The following KCNIP4 variants were observed in gnomAD, a reference collection of about 807,000 sequenced individuals.
KCNIP4 encodes the protein Kv channel-interacting protein 4.
Under a neutral mutation model 34.0 loss-of-function variants are expected in KCNIP4, and 12 were observed. The observed-to-expected ratio is 0.35, with a 90% CI of 0.23 to 0.57. The LOEUF (loss-of-function observed/expected upper bound fraction) is 0.57, where lower values mean the gene tolerates loss of function less well. Among genes scored for constraint, KCNIP4 ranks in the 20% least tolerant of loss-of-function variants. The probability of loss-of-function intolerance (pLI) is 0.83; values close to 1 mark genes in which losing one functional copy is unlikely to be tolerated. For missense variants in KCNIP4, 238 were observed against 311.7 expected, an observed-to-expected ratio of 0.76 and a Z score of 1.78; for synonymous variants, 124 against 102.2, an observed-to-expected ratio of 1.21 and a Z score of -1.29.
chr4:20,820,905 T>C (rs185640152), intron 3 of KCNIP4, among the ~76,000 whole-genome samples: 109 of 152,310 alleles, frequency 7.2e-4, no homozygotes, highest in African/African-American at 2.5e-3. Context: ...GCAGTAAATC[T>C]TGGCAGCACC....
At position 20,875,311 on chromosome 4, in the gene KCNIP4, A is replaced by G. The variant is rs77742642; in HGVS notation, c.163+7297T>C. Among the ~76,000 whole-genome samples the G allele has an allele frequency of 8.1e-3, 1,241 of 152,288 alleles. 10 individuals are homozygous for G. The highest frequency in any genetic ancestry group is 0.014 in the Middle Eastern group (4 of 294). ...GTGTTCAATCTCTTCCCCTACTCCC[A>G]TGCCTCTTGCTGATGATGTGATTCA... On this transcript the variant is annotated intron_variant, in intron 2 of 8. Coordinates refer to ENST00000382152, the MANE Select transcript of KCNIP4 (RefSeq NM_025221.6).
chr4:21,570,053 G>A (rs1375471323), intron 1 of KCNIP4, among the ~76,000 whole-genome samples: 1 of 152,060 alleles, frequency 6.6e-6, no homozygotes, highest in Non-Finnish European at 1.5e-5. Flanking sequence ...ATCGTTGTCT[G>A]CCTCAAATGG....
intron 1 of KCNIP4, among the ~76,000 whole-genome samples, chr4:21,606,216 T>C (rs1743650402): frequency 6.6e-6 from 1 of 152,118 alleles, no homozygotes; most frequent in Non-Finnish European, 1.5e-5. Context: ...TAAATAGTGA[T>C]AATTTGATCA....
At chr4:20,793,191 G>T (rs1713002447) in intron 3 of KCNIP4, among the ~76,000 whole-genome samples, 2 of 152,050 alleles carry the variant, frequency 1.3e-5, no homozygotes, top group Admixed American at 1.3e-4. Context: ...CAGGTGAATG[G>T]ATAAACAAAT....
In KCNIP4 at chr4:21,943,056, G is replaced by A. The variant is rs562930203; in HGVS notation, c.61+5515C>T. The stretch of plus-strand genomic sequence containing the variant: ...TTACAAGTGTGAGCCACCATTCCTG[G>A]TCTAAATGTCTACTAGTTTGTGAAG... On this transcript the variant is annotated intron_variant, in intron 1 of 8. Coordinates refer to ENST00000382152, the MANE Select transcript of KCNIP4 (RefSeq NM_025221.6). 1.1e-4 allele frequency among the ~76,000 whole-genome samples: 16 copies of A among 152,240 alleles called. No homozygotes were observed. The South Asian group carries it at 1.9e-3, about 18-fold the overall frequency.
intron 1 of KCNIP4, among the ~76,000 whole-genome samples, chr4:21,020,123 T>C (rs1350906231): frequency 1.3e-5 from 2 of 152,200 alleles, no homozygotes; most frequent in Non-Finnish European, 2.9e-5. Flanking sequence ...TATACAGGTA[T>C]AATACTTATC....
chr4:21,288,440 G>A (rs940217864), intron 1 of KCNIP4, among the ~76,000 whole-genome samples: 4 of 152,102 alleles, frequency 2.6e-5, no homozygotes, highest in Non-Finnish European at 5.9e-5. Flanking sequence ...TGGACTAACC[G>A]CTTAGACTAG....
At chr4:21,458,321 A>G (rs1181676762) in intron 1 of KCNIP4, among the ~76,000 whole-genome samples, 2 of 151,566 alleles carry the variant, frequency 1.3e-5, no homozygotes, top group African/African-American at 2.4e-5. Context: ...AAGGACAGGA[A>G]CTCATCATAT....
In KCNIP4 at chr4:20,797,001, C is replaced by T. The variant is rs147441584; in HGVS notation, c.289-38111G>A. Among the ~76,000 whole-genome samples the T allele has an allele frequency of 2.2e-4, 33 of 152,296 alleles. 1 individual carries two copies. The highest frequency in any genetic ancestry group is 1.0e-3 in the Admixed American group (16 of 15,296). On this transcript the variant is annotated intron_variant, in intron 3 of 8. Coordinates refer to ENST00000382152, the MANE Select transcript of KCNIP4 (RefSeq NM_025221.6). ...CTAGAAGATATGAAAACAGGCCCTCCGGCCCTAACTGACTCTGTGTTGTGT... is the reference window on the plus strand; with the variant it reads ...CTAGAAGATATGAAAACAGGCCCTCTGGCCCTAACTGACTCTGTGTTGTGT...
chr4:21,056,912 C>T (rs1446488799), intron 1 of KCNIP4, among the ~76,000 whole-genome samples: 1 of 152,126 alleles, frequency 6.6e-6, no homozygotes, highest in Non-Finnish European at 1.5e-5. Flanking sequence ...GAGAAGAGAA[C>T]AGAGCAGGCT....
intron 1 of KCNIP4, among the ~76,000 whole-genome samples, chr4:20,946,652 C>G (rs571249253): frequency 1.1e-4 from 17 of 152,224 alleles, no homozygotes; most frequent in African/African-American, 3.9e-4. Flanking sequence ...TCTTTCTGTC[C>G]TTGATCTTTT....
At chr4:21,003,382 T>C (rs1738300411) in intron 1 of KCNIP4, among the ~76,000 whole-genome samples, 1 of 152,236 alleles carries the variant, frequency 6.6e-6, no homozygotes, top group Non-Finnish European at 1.5e-5. Context: ...CCTTGAAGTA[T>C]GTAAGGCAAT....
intron 2 of KCNIP4, among the ~76,000 whole-genome samples, chr4:20,879,968 A>G (rs948374800): frequency 1.1e-4 from 16 of 152,222 alleles, no homozygotes; most frequent in Admixed American, 9.2e-4. Context: ...GGAAAACTCT[A>G]AATATCCAAA....
intron 1 of KCNIP4, among the ~76,000 whole-genome samples, chr4:21,207,006 G>A (rs1756897610): frequency 6.6e-6 from 1 of 152,156 alleles, no homozygotes; most frequent in South Asian, 2.1e-4. Flanking sequence ...GATGATCACT[G>A]TCTTTGATAG....
At chr4:21,587,210 C>G (rs68131292) in intron 1 of KCNIP4, among the ~76,000 whole-genome samples, 3 of 151,808 alleles carry the variant, frequency 2.0e-5, no homozygotes. Flanking sequence ...TTTAAAATCC[C>G]GCACTATTGG....
intron 1 of KCNIP4, among the ~76,000 whole-genome samples, chr4:21,583,018 T>C (rs929099078): frequency 2.6e-5 from 4 of 151,916 alleles, no homozygotes; most frequent in African/African-American, 9.7e-5. Context: ...AATCCACAAC[T>C]GCCCTAATTC....
intron 1 of KCNIP4, among the ~76,000 whole-genome samples, chr4:20,992,110 G>A (rs551590343): frequency 9.2e-5 from 14 of 152,308 alleles, no homozygotes; most frequent in East Asian, 5.8e-4. Context: ...GTGTTAGTCC[G>A]TTCTCATACT....
chr4:20,858,077 G>A (rs1013537387), intron 2 of KCNIP4, among the ~76,000 whole-genome samples: 1 of 151,710 alleles, frequency 6.6e-6, no homozygotes, highest in Non-Finnish European at 1.5e-5. Context: ...CGGGTGTTGT[G>A]GTGGGTGCCT....
chr4:21,018,824 A>G (rs1207323835), intron 1 of KCNIP4, among the ~76,000 whole-genome samples: 1 of 152,226 alleles, frequency 6.6e-6, no homozygotes, highest in Non-Finnish European at 1.5e-5. Flanking sequence ...TGAGAACTAC[A>G]TAAATGTTAG....
Sources: allele counts gnomAD v4.1 joint callset (sites outside exome capture counted in the v4.1 genomes callset), GRCh38; gene constraint gnomAD v4.1.1; transcripts MANE v1.5; gene names NCBI Gene and HGNC (gene_info 2026-07-23, HGNC 2026-07-21).